The following KDM4C variants were observed in gnomAD, a reference collection of about 807,000 sequenced individuals.
KDM4C encodes the protein lysine-specific demethylase 4C.
In KDM4C, 81 loss-of-function variants were observed where a neutral mutation model predicts 129.3. That is an observed-to-expected ratio of 0.63 (90% CI 0.52 to 0.75). KDM4C has a LOEUF of 0.75. Among genes scored for constraint, KDM4C ranks in the 30% least tolerant of loss-of-function variants. The probability of loss-of-function intolerance (pLI) is 0.00; values close to 1 mark genes in which losing one functional copy is unlikely to be tolerated. For missense variants in KDM4C, 1,457 were observed against 1,304.0 expected (o/e 1.12, Z -1.81); for synonymous variants, 573 against 456.1 (o/e 1.26, Z -3.26).
intron 5 of KDM4C, among the ~76,000 whole-genome samples, chr9:6,851,824 G>A (rs953087266): frequency 6.6e-6 from 1 of 152,152 alleles, no homozygotes; most frequent in Non-Finnish European, 1.5e-5. Flanking sequence ...CTGGTGTCTT[G>A]TGTCTTTGGG....
Position 6,919,549 on chromosome 9 carries a change from A to G in KDM4C, c.921+26317A>G, listed in dbSNP as rs926806321. 8.3e-3 allele frequency among the ~76,000 whole-genome samples: 589 copies of G among 71,218 alleles called. 6 individuals carry two copies. The highest frequency in any genetic ancestry group is 0.022 in the African/African-American group (459 of 21,192). 46.7% of individuals were successfully genotyped at this position (71,218 alleles called of 152,430 possible). ...ATTTCATCTGTCTGTCTGTCTGTCT[A>G]TCTATCTATCTATCTATCTATCTAT... On this transcript the variant is annotated intron_variant, in intron 8 of 21. Coordinates refer to ENST00000381309, the MANE Select transcript of KDM4C (RefSeq NM_015061.6).
intron 17 of KDM4C, among the ~76,000 whole-genome samples, chr9:7,050,497 A>G (rs147630918): frequency 4.7e-5 from 7 of 149,816 alleles, no homozygotes; most frequent in African/African-American, 1.7e-4. Flanking sequence ...AATTAGGACT[A>G]TAAGATATGA....
Position 6,834,442 on chromosome 9 carries a change from G to A in KDM4C, c.436-15065G>A, listed in dbSNP as rs1333008247. On this transcript the variant is annotated intron_variant, in intron 4 of 21. Coordinates refer to ENST00000381309, the MANE Select transcript of KDM4C (RefSeq NM_015061.6). ...ACTGCTCTGCTGCCTGTCCACACCCGCTACCAGCTCACCATAGATGATGAT... is the reference window on the plus strand; with the variant it reads ...ACTGCTCTGCTGCCTGTCCACACCCACTACCAGCTCACCATAGATGATGAT... 3.4e-5 allele frequency: 16 copies of A among 465,940 alleles called. No homozygotes were observed. The East Asian group carries it at 7.7e-4, about 22-fold the overall frequency. 28.9% of individuals were successfully genotyped at this position (465,940 alleles called of 1,614,324 possible).
intron 2 of KDM4C, among the ~76,000 whole-genome samples, chr9:6,797,876 G>C (rs1159053655): frequency 6.6e-6 from 1 of 152,218 alleles, no homozygotes; most frequent in Non-Finnish European, 1.5e-5. Flanking sequence ...TTGTGGGGTT[G>C]TTGATAAAAG....
At chr9:6,774,858 A>G (rs947700014) in intron 1 of KDM4C, among the ~76,000 whole-genome samples, 9 of 152,104 alleles carry the variant, frequency 5.9e-5, no homozygotes, top group South Asian at 2.1e-4. Context: ...CTTGGCAACC[A>G]TGTCCTGATT....
At chr9:6,981,266 C>T in intron 9 of KDM4C, 148 bp downstream of exon 9, 1 of 622,930 alleles carries the variant, frequency 1.6e-6, no homozygotes. Flanking sequence ...ATTTTTAATT[C>T]TTAGGTGTGT....
chr9:7,158,299 A>C (rs1054993903), intron 19 of KDM4C, among the ~76,000 whole-genome samples: 22 of 146,974 alleles, frequency 1.5e-4, no homozygotes, highest in South Asian at 6.6e-4. Flanking sequence ...TTTTCAAAAA[A>C]CCAGCTCCTG....
chr9:7,055,689 C>G (rs908291642), intron 17 of KDM4C, among the ~76,000 whole-genome samples: 1 of 152,338 alleles, frequency 6.6e-6, no homozygotes, highest in East Asian at 1.9e-4. Context: ...TACAATCACA[C>G]TTCCTATTTC....
At chr9:6,984,703 G>A (rs1012331902) in intron 10 of KDM4C, among the ~76,000 whole-genome samples, 8 of 151,672 alleles carry the variant, frequency 5.3e-5, no homozygotes, top group South Asian at 4.2e-4. Context: ...TACAATATAC[G>A]TTTTTGGAAG....
At chr9:6,830,634 A>G (rs535190086) in intron 4 of KDM4C, among the ~76,000 whole-genome samples, 2 of 152,348 alleles carry the variant, frequency 1.3e-5, no homozygotes, top group African/African-American at 4.8e-5. Context: ...ATAGTTTAAT[A>G]TTTAGGAGAA....
At chr9:6,866,430 A>G (rs1051218807) in intron 5 of KDM4C, among the ~76,000 whole-genome samples, 1 of 152,090 alleles carries the variant, frequency 6.6e-6, no homozygotes, top group African/African-American at 2.4e-5. Context: ...AGGGCTAGCT[A>G]GGGGTTCATT....
rs548540515 is a variant in KDM4C, at chr9:6,805,876, C to A, written c.320+102C>A. 50 of 1,066,040 alleles carry A rather than the reference C, an allele frequency of 4.7e-5. No homozygotes were observed. In the African/African-American group the frequency reaches 6.4e-4, roughly 14 times the overall value. 66.0% of individuals were successfully genotyped at this position (1,066,040 alleles called of 1,614,324 possible). On this transcript the variant is annotated intron_variant, in intron 3 of 21. Coordinates refer to ENST00000381309, the MANE Select transcript of KDM4C (RefSeq NM_015061.6). ...GAGCTTATAAATGAAAAGCAGGAGT[C>A]TCCCATGCAATTTTTCACCCTTCAT...
chr9:7,144,106 TTTTTTG>T (rs890373229), intron 19 of KDM4C, among the ~76,000 whole-genome samples: 6 of 152,218 alleles, frequency 3.9e-5, no homozygotes, highest in East Asian at 3.9e-4. Flanking sequence ...TTTTTGTTTT[TTTTTTG>T]TTTTTGTTTT....
At chr9:6,983,264 G>A (rs1487638739) in intron 9 of KDM4C, among the ~76,000 whole-genome samples, 5 of 152,156 alleles carry the variant, frequency 3.3e-5, no homozygotes, top group Non-Finnish European at 7.3e-5. Context: ...ACATATGGGT[G>A]TGTTTTGGAC....
At chr9:7,098,348 C>A (rs1232649964) in intron 17 of KDM4C, among the ~76,000 whole-genome samples, 2 of 152,184 alleles carry the variant, frequency 1.3e-5, no homozygotes, top group Non-Finnish European at 2.9e-5. Flanking sequence ...GGGTGAATCT[C>A]ACCAAACAAA....
At chr9:6,823,946 T>A (rs1454571125) in intron 4 of KDM4C, among the ~76,000 whole-genome samples, 1 of 152,188 alleles carries the variant, frequency 6.6e-6, no homozygotes, top group African/African-American at 2.4e-5. Context: ...CTCATACTGA[T>A]GGGAAGATGA....
At chr9:6,892,970 T>C (rs1846315305) in intron 7 of KDM4C, 125 bp from the exon 8 acceptor site, 1 of 634,742 alleles carries the variant, frequency 1.6e-6, no homozygotes, top group East Asian at 3.4e-5. Flanking sequence ...GGTGGAACTC[T>C]TTTTGGTAGT....
chr9:6,793,259 C>A, intron 2 of KDM4C, 127 bp downstream of exon 2: 1 of 838,922 alleles, frequency 1.2e-6, no homozygotes. Flanking sequence ...CTCGTTAATC[C>A]ATGTGAAACA....
chr9:7,155,427 A>T (rs1843063668), intron 19 of KDM4C, among the ~76,000 whole-genome samples: 1 of 152,086 alleles, frequency 6.6e-6, no homozygotes, highest in Non-Finnish European at 1.5e-5. Flanking sequence ...ATACATAGGT[A>T]TACATGTGCC....
Sources: allele counts gnomAD v4.1 joint callset (sites outside exome capture counted in the v4.1 genomes callset), GRCh38; gene constraint gnomAD v4.1.1; transcripts MANE v1.5; gene names NCBI Gene and HGNC (gene_info 2026-07-23, HGNC 2026-07-21).